SI: variants seen among roughly 807,000 people sequenced by gnomAD.
SI encodes sucrase-isomaltase, intestinal.
Under a neutral mutation model 253.3 loss-of-function variants are expected in SI, and 235 were observed. That is an observed-to-expected ratio of 0.93 (90% confidence interval 0.83 to 1.03). SI has a LOEUF of 1.03. Ranked by LOEUF, SI falls within the 50% of genes least tolerant of loss-of-function variation. The pLI is 0.00. For synonymous variants in SI, 819 were observed against 712.0 expected, an observed-to-expected ratio of 1.15 and a Z score of -2.39; for missense variants, 2,442 against 2,211.1, an observed-to-expected ratio of 1.10 and a Z score of -2.09.
chr3:165,064,719 T>C (rs1714152562), intron 7 of SI, among the ~76,000 whole-genome samples: 1 of 152,096 alleles, frequency 6.6e-6, no homozygotes, highest in Non-Finnish European at 1.5e-5. Context: ...GGAGAAGTTC[T>C]TATGAGATAA....
At chr3:164,992,553 G>A (rs1717805905) in intron 41 of SI, among the ~76,000 whole-genome samples, 156 bp from the exon 42 acceptor site, 1 of 151,948 alleles carries the variant, frequency 6.6e-6, no homozygotes, top group African/African-American at 2.4e-5. Context: ...CAGTTGGAAT[G>A]TAATAGTACA....
chr3:165,032,025 A>G (rs996504147), intron 24 of SI, among the ~76,000 whole-genome samples: 1 of 151,244 alleles, frequency 6.6e-6, no homozygotes, highest in Non-Finnish European at 1.5e-5. Flanking sequence ...GGCTTTCTAC[A>G]GGAGAAGAAA....
Position 165,049,990 on chromosome 3 carries a change from T to C in SI, c.1513-115A>G. Reference sequence around the variant, plus strand: ...ATAAGATAACCATAATGCTCGTTAATTCCTAGAAGATAAATATAAGCTACC... The same window carrying C: ...ATAAGATAACCATAATGCTCGTTAACTCCTAGAAGATAAATATAAGCTACC... On this transcript the variant is annotated intron_variant, in intron 13 of 47. Coordinates refer to ENST00000264382, the MANE Select transcript of SI (RefSeq NM_001041.4). 4.3e-6 allele frequency: 3 copies of C among 696,438 alleles called. No homozygotes were observed. In the East Asian group the frequency reaches 8.1e-5, roughly 19 times the overall value. The allele number at this position is 696,438 out of a possible 1,614,324, so 43.1% of individuals were successfully genotyped here. A position where few individuals can be genotyped will look rare whatever the true frequency, so the allele number is the denominator to read the frequency against.
At chr3:165,037,605 T>C (rs1458641769) in intron 21 of SI, among the ~76,000 whole-genome samples, 2 of 151,934 alleles carry the variant, frequency 1.3e-5, no homozygotes, top group Non-Finnish European at 2.9e-5. Flanking sequence ...AATATTCACA[T>C]TTTGTATAGT....
chr3:165,067,515 C>G lies in SI; in HGVS notation c.484-24G>C, dbSNP rs1714307314. ...ATCTGGAAAGATTTAAGCAAGGTAG[C>G]ATTACTGGATTCTAAACTATTATTT... On this transcript the variant is annotated intron_variant, in intron 5 of 47. Coordinates refer to ENST00000264382, the MANE Select transcript of SI (RefSeq NM_001041.4). The G allele has an allele frequency of 6.3e-6, 10 of 1,579,504 alleles. No individual in the cohort carries two copies. In the South Asian group the frequency reaches 1.0e-4, roughly 16 times the overall value.
chr3:165,066,190 T>A (rs1714237921), intron 6 of SI, among the ~76,000 whole-genome samples: 1 of 151,934 alleles, frequency 6.6e-6, no homozygotes. Context: ...TTATAAGTAA[T>A]CTAGAAATGA....
intron 25 of SI, among the ~76,000 whole-genome samples, chr3:165,026,744 G>A (rs1346816696): frequency 6.6e-6 from 1 of 151,166 alleles, no homozygotes; most frequent in Non-Finnish European, 1.5e-5. Flanking sequence ...ATAAAATCAA[G>A]TTGAAAATTT....
At position 164,979,803 on chromosome 3, in the gene SI, G is replaced by C. The variant is rs922981070; in HGVS notation, c.5416-373C>G. On this transcript the variant is annotated intron_variant, in intron 47 of 47. Transcript: ENST00000264382. The stretch of plus-strand genomic sequence containing the variant: ...GCATCCCTTTGTCAAGTATTATCCA[G>C]TCATTTTCAGCCAAAGTTTAGATTT... Among the ~76,000 whole-genome samples, 82 of 151,758 alleles carry C rather than the reference G, an allele frequency of 5.4e-4. 2 individuals are homozygous for C. Among genetic ancestry groups the C allele is most frequent in the African/African-American group, 1.8e-3 (76 of 41,392 alleles).
chr3:165,077,928 T>G (rs149674090), intron 1 of SI, among the ~76,000 whole-genome samples: 239 of 151,692 alleles, frequency 1.6e-3, no homozygotes, highest in African/African-American at 5.4e-3. Context: ...CAACTCTTCT[T>G]GGAAAATATA....
intron 20 of SI, among the ~76,000 whole-genome samples, chr3:165,038,396 G>C (rs1358804916): frequency 6.6e-6 from 1 of 151,554 alleles, no homozygotes; most frequent in African/African-American, 2.4e-5. Context: ...TAAGTGATAT[G>C]CAAAATAATA....
intron 2 of SI, 69 bp downstream of exon 2, chr3:165,075,826 A>T: frequency 4.3e-6 from 4 of 938,844 alleles, no homozygotes; most frequent in Non-Finnish European, 7.0e-6. Flanking sequence ...TTTAAAACCT[A>T]TAACTATTGT....
intron 31 of SI, among the ~76,000 whole-genome samples, chr3:165,016,573 T>C (rs1286956772): frequency 6.6e-6 from 1 of 151,990 alleles, no homozygotes; most frequent in Non-Finnish European, 1.5e-5. Flanking sequence ...AATCTTGTTC[T>C]TGTAATATCC....
At position 165,070,345 on chromosome 3, in the gene SI, C is replaced by CAT. The variant is rs72166578; in HGVS notation, c.256-1152_256-1151dup. Among the ~76,000 whole-genome samples, 1,102 of 139,440 alleles carry CAT rather than the reference C, an allele frequency of 7.9e-3. 11 individuals are homozygous for CAT. Among genetic ancestry groups the CAT allele is most frequent in the African/African-American group, 0.027 (1,013 of 37,646 alleles). 91.5% of individuals were successfully genotyped at this position (139,440 alleles called of 152,430 possible). A position where few individuals can be genotyped will look rare whatever the true frequency, so the allele number is the denominator to read the frequency against. On this transcript the variant is annotated intron_variant, in intron 3 of 47. Coordinates refer to ENST00000264382, the MANE Select transcript of SI (RefSeq NM_001041.4). The stretch of plus-strand genomic sequence containing the variant: ...ATATATATAAAATCTCTCTAAACAC[C>CAT]ATATATATATATATATATATGTGTG...
chr3:165,019,817 A>G (rs1719222200), intron 27 of SI, 47 bp from the exon 28 acceptor site: 1 of 1,475,918 alleles, frequency 6.8e-7, no homozygotes, highest in Non-Finnish European at 9.5e-7. Flanking sequence ...ATATATGCAA[A>G]GTAGTATCAC....
Position 165,068,745 on chromosome 3 carries a change from T to C in SI, c.460A>G (p.Thr154Ala), listed in dbSNP as rs370128189. The stretch of plus-strand genomic sequence containing the variant: ...ACCTTGAACCGGAAACGATTGGGTG[T>C]CTGATTTTGAGTTGTGAAGAGAACA... ...NSVLFTTQNQ[T>A]PNRFRFKITD... Residue 154 changes from threonine to alanine, a missense_variant, in exon 5 of 48, where the codon ACA becomes GCA. By Grantham distance (58) the Thr-to-Ala change is moderately conservative. Coordinates refer to ENST00000264382, the MANE Select transcript of SI (RefSeq NM_001041.4). 2.5e-5 allele frequency: 41 copies of C among 1,613,306 alleles called. No individual in the cohort carries two copies. In the South Asian group the frequency reaches 4.0e-4, roughly 16 times the overall value.
intron 45 of SI, among the ~76,000 whole-genome samples, chr3:164,983,637 T>C (rs1342791510): frequency 6.6e-6 from 1 of 152,098 alleles, no homozygotes; most frequent in Non-Finnish European, 1.5e-5. Context: ...TTGTCCCAGC[T>C]GAAGTGCAGT....
At chr3:165,025,198 A>G (rs1711846601) in intron 25 of SI, among the ~76,000 whole-genome samples, 1 of 151,166 alleles carries the variant, frequency 6.6e-6, no homozygotes, top group African/African-American at 2.4e-5. Flanking sequence ...ATGGCCTTAA[A>G]CACAGAAATG....
intron 33 of SI, among the ~76,000 whole-genome samples, chr3:165,013,246 T>C (rs1718854184): frequency 1.3e-5 from 2 of 152,196 alleles, no homozygotes; most frequent in African/African-American, 4.8e-5. Flanking sequence ...CTCTTTAATA[T>C]GGCAAATACA....
intron 25 of SI, among the ~76,000 whole-genome samples, chr3:165,029,608 ATG>A (rs1712126617): frequency 6.9e-6 from 1 of 145,352 alleles, no homozygotes; most frequent in African/African-American, 2.5e-5. Flanking sequence ...ATACATATAT[ATG>A]TATATATATG....
Sources: allele counts gnomAD v4.1 joint callset (sites outside exome capture counted in the v4.1 genomes callset), GRCh38; gene constraint gnomAD v4.1.1; transcripts MANE v1.5; gene names NCBI Gene and HGNC (gene_info 2026-07-23, HGNC 2026-07-21).